Variants in SYNPR observed in about 807,000 individuals in gnomAD.
SYNPR encodes synaptoporin.
A neutral mutation model predicts 32.9 loss-of-function variants in SYNPR; 23 were observed. That is an observed-to-expected ratio of 0.70 (90% CI 0.50 to 0.99). The LOEUF (loss-of-function observed/expected upper bound fraction) is 0.99, where lower values mean the gene tolerates loss of function less well. SYNPR is among the 50% of genes least tolerant of loss of function. SYNPR has a pLI of 0.00. For missense variants in SYNPR, 318 were observed against 349.3 expected, an observed-to-expected ratio of 0.91 and a Z score of 0.71; for synonymous variants, 146 against 135.9, an observed-to-expected ratio of 1.07 and a Z score of -0.52.
intron 4 of SYNPR, among the ~76,000 whole-genome samples, chr3:63,594,728 A>G (rs939863706): frequency 6.6e-6 from 1 of 152,180 alleles, no homozygotes; most frequent in African/African-American, 2.4e-5. Context: ...CATCATCACC[A>G]TTACCAACAC....
chr3:63,520,311 C>A (rs1006889513), intron 3 of SYNPR, among the ~76,000 whole-genome samples: 1 of 152,166 alleles, frequency 6.6e-6, no homozygotes, highest in Non-Finnish European at 1.5e-5. Flanking sequence ...TCCTGATTGT[C>A]TAACCATCTT....
At chr3:63,538,808 G>A (rs1702253352) in intron 3 of SYNPR, among the ~76,000 whole-genome samples, 1 of 152,034 alleles carries the variant, frequency 6.6e-6, no homozygotes, top group South Asian at 2.1e-4. Flanking sequence ...TGAGTTTGGA[G>A]GTGGTTAATT....
chr3:63,385,259 C>A (rs2088025022), intron 2 of SYNPR, among the ~76,000 whole-genome samples: 1 of 152,198 alleles, frequency 6.6e-6, no homozygotes, highest in Non-Finnish European at 1.5e-5. Context: ...TTTCCCTCTT[C>A]TCCTTCCCGC....
At chr3:63,411,174 A>G (rs935806839) in intron 2 of SYNPR, among the ~76,000 whole-genome samples, 2 of 152,080 alleles carry the variant, frequency 1.3e-5, no homozygotes, top group Admixed American at 6.6e-5. Context: ...AGAACAACAA[A>G]TGACTAACTT....
chr3:63,601,473 G>A (rs533224775), intron 4 of SYNPR, among the ~76,000 whole-genome samples: 12 of 152,228 alleles, frequency 7.9e-5, no homozygotes, highest in African/African-American at 2.9e-4. Flanking sequence ...CCAAAAGGTA[G>A]TTTTTTGATC....
intron 2 of SYNPR, among the ~76,000 whole-genome samples, chr3:63,319,456 G>C (rs1597625): frequency 0.45 from 67,756 of 151,808 alleles, 16,332 homozygotes; most frequent in Non-Finnish European, 0.54. Flanking sequence ...AAGTCATTAG[G>C]ATTTCTACAT....
At chr3:63,482,883 T>C (rs1701075118) in intron 3 of SYNPR, among the ~76,000 whole-genome samples, 1 of 152,202 alleles carries the variant, frequency 6.6e-6, no homozygotes. Flanking sequence ...ATACAGACTA[T>C]TATGAAGACA....
intron 2 of SYNPR, among the ~76,000 whole-genome samples, chr3:63,352,874 G>A (rs2087527747): frequency 6.6e-6 from 1 of 152,046 alleles, no homozygotes. Context: ...ACTATCATGA[G>A]AACAGCACCG....
chr3:63,372,333 A>C (rs2087826286), intron 2 of SYNPR, among the ~76,000 whole-genome samples: 1 of 152,020 alleles, frequency 6.6e-6, no homozygotes, highest in Non-Finnish European at 1.5e-5. Flanking sequence ...CCCTGGCTGA[A>C]CATTTCCAGT....
chr3:63,289,885 C>T (rs1360987845), intron 2 of SYNPR, among the ~76,000 whole-genome samples: 1 of 152,112 alleles, frequency 6.6e-6, no homozygotes, highest in African/African-American at 2.4e-5. Flanking sequence ...AATCCCAGCA[C>T]TTTGGGAGGC....
At chr3:63,315,202 TG>T (rs1351063303) in intron 2 of SYNPR, among the ~76,000 whole-genome samples, 1 of 80,668 alleles carries the variant, frequency 1.2e-5, no homozygotes, top group Non-Finnish European at 3.9e-5. Context: ...TGCTTAGTCT[TG>T]CTTTGGCTAT....
chr3:63,290,236 G>A (rs1210892943), intron 2 of SYNPR, among the ~76,000 whole-genome samples: 2 of 152,168 alleles, frequency 1.3e-5, no homozygotes, highest in African/African-American at 4.8e-5. Flanking sequence ...AGAGAGCCAG[G>A]ATTTGAACCC....
At chr3:63,259,254 G>A (rs561733842) in intron 2 of SYNPR, among the ~76,000 whole-genome samples, 4 of 152,202 alleles carry the variant, frequency 2.6e-5, no homozygotes, top group East Asian at 3.9e-4. Flanking sequence ...CCAAAGCATG[G>A]CAGAGACTCA....
At chr3:63,207,791 T>A in the SYNPR span, among the ~76,000 whole-genome samples, 301 of 152,098 alleles carry the variant, frequency 2.0e-3, no homozygotes, top group Non-Finnish European at 3.0e-3. Flanking sequence ...TTAAAAAAAA[T>A]GAAAGAAAAT....
chr3:63,419,900 G>A (rs2088585495), intron 2 of SYNPR, among the ~76,000 whole-genome samples: 1 of 152,194 alleles, frequency 6.6e-6, no homozygotes, highest in South Asian at 2.1e-4. Context: ...GTTGAAAGTA[G>A]TCTATTTGGT....
chr3:63,262,204 A>G (rs2086444995), intron 2 of SYNPR, among the ~76,000 whole-genome samples: 1 of 152,162 alleles, frequency 6.6e-6, no homozygotes, highest in African/African-American at 2.4e-5. Flanking sequence ...GAATTGGGGT[A>G]TGCAATTTTA....
chr3:63,285,605 C>G (rs1029906434), intron 2 of SYNPR, among the ~76,000 whole-genome samples: 1 of 152,174 alleles, frequency 6.6e-6, no homozygotes, highest in African/African-American at 2.4e-5. Flanking sequence ...AACAAACAAG[C>G]AGCTCCTCAG....
At chr3:63,502,765 T>G (rs751379012) in intron 3 of SYNPR, among the ~76,000 whole-genome samples, 21 of 152,052 alleles carry the variant, frequency 1.4e-4, no homozygotes, top group Non-Finnish European at 2.5e-4. Context: ...TTCCATTGGA[T>G]GTAGCTCCTT....
intron 2 of SYNPR, among the ~76,000 whole-genome samples, chr3:63,258,942 C>T (rs1340100896): frequency 1.3e-5 from 2 of 152,184 alleles, no homozygotes; most frequent in African/African-American, 2.4e-5. Flanking sequence ...ATACTATAAA[C>T]ACCTCTATGC....
Sources: gnomAD v4.1 joint callset for allele counts (sites outside exome capture counted in the v4.1 genomes callset) on GRCh38, gnomAD v4.1.1 for gene constraint, MANE v1.5 for transcripts, NCBI Gene and HGNC (gene_info 2026-07-23, HGNC 2026-07-21) for gene names.